ANK2: variants seen among roughly 807,000 people sequenced by gnomAD.
The protein encoded by ANK2 is ankyrin 2.
A neutral mutation model predicts 360.5 loss-of-function variants in ANK2; 83 were observed. That is an observed-to-expected ratio of 0.23 (90% CI 0.19 to 0.28). The LOEUF (loss-of-function observed/expected upper bound fraction) is 0.28, where lower values mean the gene tolerates loss of function less well. Ranked by LOEUF, ANK2 falls within the 10% of genes least tolerant of loss-of-function variation. ANK2 has a pLI of 1.00. For synonymous variants in ANK2, 1,740 were observed against 1,759.5 expected (o/e 0.99, Z 0.28); for missense variants, 4,201 against 4,795.7 (o/e 0.88, Z 3.66).
At chr4:113,100,619 C>T (rs2092671891) in intron 1 of ANK2, among the ~76,000 whole-genome samples, 1 of 152,062 alleles carries the variant, frequency 6.6e-6, no homozygotes, top group African/African-American at 2.4e-5. Flanking sequence ...AGTGATCATA[C>T]TTCTAGGTGT....
chr4:113,178,788 T>C (rs566467201), intron 2 of ANK2, among the ~76,000 whole-genome samples: 42 of 152,238 alleles, frequency 2.8e-4, no homozygotes, highest in African/African-American at 9.6e-4. Context: ...GAGACAGGGA[T>C]TAGTTCAAGT....
chr4:113,330,386 T>C lies in ANK2; in HGVS notation c.3041T>C (p.Leu1014Pro). Residue 1014 changes from leucine to proline, a missense_variant, in exon 27 of 46, where the codon CTG becomes CCG. Physicochemically the swap from Leu to Pro is moderately conservative, Grantham distance 98 (BLOSUM62 -3). Around this residue, in one of 4 missense-constraint regions of ANK2, gnomAD observed 1,268 missense variants for 1,650.8 expected, o/e 0.77. Coordinates refer to ENST00000357077, the MANE Select transcript of ANK2 (RefSeq NM_001148.6). ...VTCRLVKRHR[L>P]ATMPPMVEGE... ...TGCCGACTGGTCAAGCGCCACAGACTGGCAACAATGCCTCCAATGGTGGAA... is the reference window on the plus strand; with the variant it reads ...TGCCGACTGGTCAAGCGCCACAGACCGGCAACAATGCCTCCAATGGTGGAA... The C allele has an allele frequency of 6.2e-7, 1 of 1,614,220 alleles. No homozygotes were observed. The highest frequency in any genetic ancestry group is 8.5e-7 in the Non-Finnish European group (1 of 1,180,032).
the ANK2 span, among the ~76,000 whole-genome samples, chr4:112,760,629 TG>T: frequency 1.3e-5 from 2 of 151,778 alleles, no homozygotes; most frequent in Non-Finnish European, 2.9e-5. Flanking sequence ...GCCATGTTGG[TG>T]TGCTGCACCC....
chr4:113,335,507 G>T (rs2093404027), intron 29 of ANK2, among the ~76,000 whole-genome samples: 1 of 152,096 alleles, frequency 6.6e-6, no homozygotes, highest in African/African-American at 2.4e-5. Flanking sequence ...AATAGAACAC[G>T]TTCATTTCAT....
chr4:113,332,106 C>T (rs2092593430), intron 28 of ANK2, 36 bp downstream of exon 28: 10 of 1,521,512 alleles, frequency 6.6e-6, no homozygotes, highest in East Asian at 2.3e-5. Context: ...TGGCTGCTGG[C>T]CCCCCATTCT....
the ANK2 span, among the ~76,000 whole-genome samples, chr4:112,794,829 T>C: frequency 6.6e-6 from 1 of 152,164 alleles, no homozygotes; most frequent in Non-Finnish European, 1.5e-5. Context: ...GATTTTAGGG[T>C]AACACCGCTT....
intron 1 of ANK2, among the ~76,000 whole-genome samples, chr4:113,121,333 C>A (rs1483518919): frequency 1.3e-5 from 2 of 152,130 alleles, no homozygotes; most frequent in Non-Finnish European, 2.9e-5. Context: ...AATATTATTT[C>A]TTGGTCTTGT....
chr4:112,742,396 ATGTG>A, the ANK2 span, among the ~76,000 whole-genome samples: 44 of 149,600 alleles, frequency 2.9e-4, no homozygotes, highest in Admixed American at 8.0e-4. Context: ...ACTGAATTCT[ATGTG>A]TGTGTGTGTG....
chr4:113,131,181 C>T (rs1432549414), intron 1 of ANK2, among the ~76,000 whole-genome samples: 1 of 152,178 alleles, frequency 6.6e-6, no homozygotes, highest in African/African-American at 2.4e-5. Flanking sequence ...AAACTTTCCT[C>T]TGGGATGCAT....
At chr4:112,919,046 A>G (rs1258823551) in intron 2 of ANK2, among the ~76,000 whole-genome samples, 3 of 152,194 alleles carry the variant, frequency 2.0e-5, no homozygotes, top group Admixed American at 1.3e-4. Flanking sequence ...ATCATTTTCC[A>G]CATGGAAATA....
intron 19 of ANK2, 50 bp downstream of exon 19, chr4:113,287,753 C>G: frequency 6.8e-7 from 1 of 1,478,176 alleles, no homozygotes; most frequent in Non-Finnish European, 9.4e-7. Flanking sequence ...TGGGATGATT[C>G]CCAGTAGCCC....
the ANK2 span, among the ~76,000 whole-genome samples, chr4:112,799,569 T>C: frequency 1.3e-5 from 2 of 152,128 alleles, no homozygotes; most frequent in Non-Finnish European, 2.9e-5. Flanking sequence ...CCGGCTGGAG[T>C]GCAGTGGCAG....
intron 1 of ANK2, among the ~76,000 whole-genome samples, chr4:113,159,702 G>A (rs914424199): frequency 1.3e-5 from 2 of 151,636 alleles, no homozygotes; most frequent in East Asian, 1.9e-4. Flanking sequence ...TTTGCCTCCC[G>A]GGTTCAAGTG....
chr4:112,816,827 A>G (rs534221291), upstream of ANK2, among the ~76,000 whole-genome samples: 18 of 152,346 alleles, frequency 1.2e-4, no homozygotes, highest in African/African-American at 3.6e-4. Context: ...CCTGGACAAC[A>G]TGGTGAAACC....
At chr4:113,313,723 G>A (rs1587979902) in intron 24 of ANK2, 1 of 134,142 alleles carries the variant, frequency 7.5e-6, no homozygotes, top group Non-Finnish European at 1.5e-5. Flanking sequence ...ATGGAAACAA[G>A]CCCTTCCTAG....
At chr4:112,822,593 A>G (rs2057433858) in intron 1 of ANK2, among the ~76,000 whole-genome samples, 1 of 151,802 alleles carries the variant, frequency 6.6e-6, no homozygotes, top group Non-Finnish European at 1.5e-5. Context: ...TAAAATTACA[A>G]AAATTAGCTG....
At chr4:112,906,923 A>G (rs530876982) in intron 2 of ANK2, among the ~76,000 whole-genome samples, 2 of 152,250 alleles carry the variant, frequency 1.3e-5, no homozygotes, top group South Asian at 4.1e-4. Context: ...GAAATCAGGG[A>G]TCATCTGTTT....
chr4:113,153,128 A>G (rs1045079702), intron 1 of ANK2, among the ~76,000 whole-genome samples: 4 of 152,022 alleles, frequency 2.6e-5, no homozygotes, highest in Non-Finnish European at 2.9e-5. Context: ...TCAGTCATCA[A>G]TGAGTTCCAA....
chr4:113,182,736 A>G (rs192034383), intron 2 of ANK2, among the ~76,000 whole-genome samples: 7 of 152,284 alleles, frequency 4.6e-5, no homozygotes, highest in Admixed American at 4.6e-4. Context: ...GATCATAGCA[A>G]TTTTGGTGGA....
Sources: gnomAD v4.1 joint callset for allele counts (sites outside exome capture counted in the v4.1 genomes callset) on GRCh38, gnomAD v4.1.1 for gene constraint, gnomAD v4.1.1 regional missense constraint, MANE v1.5 for transcripts, NCBI Gene and HGNC (gene_info 2026-07-23, HGNC 2026-07-21) for gene names.